Variants in PDXK observed in about 807,000 individuals in gnomAD.
The protein encoded by PDXK is pyridoxal kinase.
A neutral mutation model predicts 43.2 loss-of-function variants in PDXK; 15 were observed. That is an observed-to-expected ratio of 0.35 (90% CI 0.23 to 0.53). PDXK has a LOEUF of 0.53. PDXK is among the 20% of genes least tolerant of loss of function. The pLI is 0.92. For synonymous variants in PDXK, 172 were observed against 165.4 expected (o/e 1.04, Z -0.31); for missense variants, 343 against 417.0 (o/e 0.82, Z 1.54).
Position 43,732,774 on chromosome 21 carries a change from T to G in PDXK, c.88-1295T>G. On this transcript the variant is annotated intron_variant, in intron 1 of 10. Transcript: ENST00000291565. The surrounding 1 kb of genome is among the most constrained non-coding windows in gnomAD (Gnocchi z 4.1). ...TTATTTTTATGTTTTTTGAGACATA[T>G]TCTCACTCCGTCACCCAGGCTAGAG... 1 of 609,012 alleles carries G rather than the reference T, an allele frequency of 1.6e-6. No homozygotes were observed. The highest frequency in any genetic ancestry group is 2.9e-6 in the Non-Finnish European group (1 of 346,744). The allele number at this position is 609,012 out of a possible 1,614,324, so 37.7% of individuals were successfully genotyped here.
chr21:43,743,271 C>T (rs547294686), intron 3 of PDXK, among the ~76,000 whole-genome samples: 5 of 54,906 alleles, frequency 9.1e-5, no homozygotes, highest in Non-Finnish European at 1.5e-4. Flanking sequence ...CCCCAGCTCC[C>T]GAGCACTGTG....
At chr21:43,724,019 A>G (rs1373972819) in intron 1 of PDXK, 3 of 152,306 alleles carry the variant, frequency 2.0e-5, no homozygotes, top group Non-Finnish European at 1.5e-5. Flanking sequence ...TAAATACCAC[A>G]TCGCAGAGAC....
In PDXK at chr21:43,719,306, G is replaced by A. The variant is rs1330041288; in HGVS notation, c.12G>A (p.Glu4=). Residue 4 remains glutamate (E), a synonymous_variant, in exon 1 of 11, where the codon GAG becomes GAA. Transcript: ENST00000291565. MEE[E]CRVLSIQSHV... Reference sequence around the variant, plus strand: ...CGGCCAGGCCCGGCATGGAGGAGGAGTGCCGGGTGCTCTCCATACAGAGCC... The same window carrying A: ...CGGCCAGGCCCGGCATGGAGGAGGAATGCCGGGTGCTCTCCATACAGAGCC... 6 of 1,490,148 alleles carry A rather than the reference G, an allele frequency of 4.0e-6. No individual in the cohort carries two copies. Among genetic ancestry groups the A allele is most frequent in the Non-Finnish European group, 5.4e-6 (6 of 1,120,230 alleles). 92.3% of individuals were successfully genotyped at this position (1,490,148 alleles called of 1,614,324 possible).
Position 43,735,754 on chromosome 21 carries a change from G to A in PDXK, c.142+1631G>A, listed in dbSNP as rs920656748. 1.3e-5 allele frequency among the ~76,000 whole-genome samples: 2 copies of A among 151,946 alleles called. No homozygotes were observed. Among genetic ancestry groups the A allele is most frequent in the African/African-American group, 2.4e-5 (1 of 41,358 alleles). ...TGTACCCACACTCTCGGGGTCAGCT[G>A]TCTGTGCGGCCTGATCAGGAGGCCC... On this transcript the variant is annotated intron_variant, in intron 2 of 10. Transcript: ENST00000291565. The surrounding 1 kb of genome is among the most constrained non-coding windows in gnomAD (Gnocchi z 5.3).
chr21:43,740,247 G>C (rs1178018446), intron 2 of PDXK, among the ~76,000 whole-genome samples: 1 of 152,140 alleles, frequency 6.6e-6, no homozygotes, highest in Non-Finnish European at 1.5e-5. Flanking sequence ...GTCCCTTCCA[G>C]CGGGAGCCAG....
rs1181337043 is a variant in PDXK at position 43,756,338 on chromosome 21, G to A, written c.*275G>A. 5.6e-6 allele frequency: 2 copies of A among 357,886 alleles called. No homozygotes were observed. Among genetic ancestry groups the A allele is most frequent in the Non-Finnish European group, 5.3e-6 (1 of 188,820 alleles). The allele number at this position is 357,886 out of a possible 1,614,324, so 22.2% of individuals were successfully genotyped here. A position where few individuals can be genotyped will look rare whatever the true frequency, so the allele number is the denominator to read the frequency against. On this transcript the variant is annotated 3_prime_UTR_variant, in exon 11 of 11. Coordinates refer to ENST00000291565, the MANE Select transcript of PDXK (RefSeq NM_003681.5). ...AAGACGGGCCCCTGTTTGCCATCTC[G>A]GGGGTGTTCCCTGTGGGAGGGTGAG... is the stretch of plus-strand genomic sequence containing the variant.
rs1182862498 is a variant in PDXK at position 43,754,684 on chromosome 21, G to T, written c.759+965G>T. Among the ~76,000 whole-genome samples the T allele has an allele frequency of 3.9e-5, 6 of 152,192 alleles. No individual in the cohort carries two copies. The highest frequency in any genetic ancestry group is 8.8e-5 in the Non-Finnish European group (6 of 68,026). Reference sequence around the variant, plus strand: ...CTTTGGAATGTGGGGCAGGGCAGGGGTGCCATGGGAGTGACAGGAGGAAGA... The same window carrying T: ...CTTTGGAATGTGGGGCAGGGCAGGGTTGCCATGGGAGTGACAGGAGGAAGA... On this transcript the variant is annotated intron_variant, in intron 9 of 10. Transcript: ENST00000291565. The surrounding 1 kb of genome is among the most constrained non-coding windows in gnomAD (Gnocchi z 5.5).
chr21:43,741,530 C>T, intron 2 of PDXK, 137 bp from the exon 3 acceptor site: 1 of 1,486,396 alleles, frequency 6.7e-7, no homozygotes, highest in Non-Finnish European at 8.9e-7. Flanking sequence ...CTAGTGATCT[C>T]CTTCGGGTTT....
chr21:43,731,974 G>A (rs2083324292), intron 1 of PDXK, among the ~76,000 whole-genome samples: 1 of 152,226 alleles, frequency 6.6e-6, no homozygotes, highest in Admixed American at 6.5e-5. Flanking sequence ...GCGGGTGCTG[G>A]GAGTCTGTGG....
chr21:43,746,663 C>A (rs1355929991), intron 5 of PDXK, among the ~76,000 whole-genome samples: 1 of 152,160 alleles, frequency 6.6e-6, no homozygotes, highest in Non-Finnish European at 1.5e-5. Flanking sequence ...AAGTGATCCA[C>A]CTGCCTTGGC....
In PDXK at chr21:43,723,149, TTTTC is replaced by T. The variant is rs201466344; in HGVS notation, c.87+3776_87+3779del. On this transcript the variant is annotated intron_variant, in intron 1 of 10. Transcript: ENST00000291565. The surrounding 1 kb of genome is among the most constrained non-coding windows in gnomAD (Gnocchi z 4.1). Reference sequence around the variant, plus strand: ...CCACCACGCCTGGCCTTCTTTTTCTTTTTCTTTCTTTTTTTTTTTTTTGAGACGA... The same window carrying T: ...CCACCACGCCTGGCCTTCTTTTTCTTTTTCTTTTTTTTTTTTTTGAGACGA... Among the ~76,000 whole-genome samples the T allele has an allele frequency of 0.019, 2,809 of 150,576 alleles. 79 individuals are homozygous for T. The highest frequency in any genetic ancestry group is 0.064 in the African/African-American group (2,589 of 40,524).
intron 2 of PDXK, among the ~76,000 whole-genome samples, chr21:43,739,205 T>C (rs1173384727): frequency 6.6e-6 from 1 of 152,166 alleles, no homozygotes; most frequent in Non-Finnish European, 1.5e-5. Flanking sequence ...TATTTTTTAG[T>C]AGAGATGAGG....
intron 1 of PDXK, chr21:43,733,605 C>T (rs992555426): frequency 1.4e-5 from 14 of 1,033,048 alleles, no homozygotes; most frequent in African/African-American, 1.0e-4. Flanking sequence ...GTGTGCTGCC[C>T]GCGGAGCCCT....
Position 43,749,023 on chromosome 21 carries a change from A to G in PDXK, c.407A>G (p.Tyr136Cys), listed in dbSNP as rs1410792460. ...GTCCCGGAGGACCTCCTTCCCGTCT[A>G]CAAAGAAAAAGTGGTGCCGCTTGCA... is the stretch of plus-strand genomic sequence containing the variant. ...MYVPEDLLPVYKEKVVPLADI... is the reference protein window; with the variant it reads ...MYVPEDLLPVCKEKVVPLADI... Residue 136 changes from tyrosine (Y) to cysteine (C), a missense_variant, in exon 6 of 11, where the codon TAC (tyrosine) becomes TGC (cysteine). By Grantham distance (194) the Tyr-to-Cys change is radical. Transcript: ENST00000291565. 1 of 1,612,554 alleles carries G rather than the reference A, an allele frequency of 6.2e-7. No homozygotes were observed. The highest frequency in any genetic ancestry group is 1.1e-5 in the South Asian group (1 of 91,050).
In PDXK at chr21:43,734,817, C is replaced by T. The variant is rs1357651108; in HGVS notation, c.142+694C>T. Among the ~76,000 whole-genome samples the T allele has an allele frequency of 2.0e-5, 3 of 152,120 alleles. No individual in the cohort carries two copies. Among genetic ancestry groups the T allele is most frequent in the Non-Finnish European group, 4.4e-5 (3 of 68,034 alleles). ...CTCTGTGGTTTCTATACTGCTTCGT[C>T]GGCAGGAGAACAAAGCTGTTCTGTT... On this transcript the variant is annotated intron_variant, in intron 2 of 10. Coordinates refer to ENST00000291565, the MANE Select transcript of PDXK (RefSeq NM_003681.5). This position sits in a 1 kb window ranked among gnomAD's most constrained non-coding sequence, Gnocchi z 5.0.
intron 4 of PDXK, chr21:43,745,868 A>G (rs2083630082): frequency 2.4e-5 from 14 of 591,420 alleles, no homozygotes; most frequent in South Asian, 2.3e-4. Flanking sequence ...GTGCTGCTGC[A>G]TGCCTGTGGT....
At chr21:43,728,965 C>T (rs1326922166) in intron 1 of PDXK, 9 of 985,520 alleles carry the variant, frequency 9.1e-6, no homozygotes, top group Admixed American at 6.1e-5. Flanking sequence ...GTGTAGCCAT[C>T]TGACTGGCTT....
rs372399448 is a variant in PDXK at position 43,728,822 on chromosome 21, C to G, written c.88-5247C>G. On this transcript the variant is annotated intron_variant, in intron 1 of 10. Transcript: ENST00000291565. ...AGTCGGAGAGCTCCTGCGGTCCAGC[C>G]GGATGACTGATGAGGTTGAAAGCAC... The G allele has an allele frequency of 5.1e-5, 50 of 985,600 alleles. 1 individual carries two copies. The East Asian group carries it at 2.3e-3, about 45-fold the overall frequency. 61.1% of individuals were successfully genotyped at this position (985,600 alleles called of 1,614,324 possible).
In PDXK at chr21:43,750,733, ATG is replaced by A. The variant is rs3042235; in HGVS notation, c.510+203_510+204del. On this transcript the variant is annotated intron_variant, in intron 7 of 10. Coordinates refer to ENST00000291565, the MANE Select transcript of PDXK (RefSeq NM_003681.5). The stretch of plus-strand genomic sequence containing the variant: ...TGTACATGTGTGGACATGTTTGTGC[ATG>A]TGTGTGTGTGTGTGCATGTGTGCGT... 2.4e-3 allele frequency among the ~76,000 whole-genome samples: 357 copies of A among 150,364 alleles called. 4 individuals carry two copies. In the East Asian group the frequency reaches 0.028, roughly 12 times the overall value.
Sources: allele counts gnomAD v4.1 joint callset (sites outside exome capture counted in the v4.1 genomes callset), GRCh38; gene constraint gnomAD v4.1.1; non-coding constraint Gnocchi (gnomAD v3.1); transcripts MANE v1.5; gene names NCBI Gene and HGNC (gene_info 2026-07-23, HGNC 2026-07-21).